CACNB2: variants seen among roughly 807,000 people sequenced by gnomAD.
CACNB2 encodes the protein calcium voltage-gated channel auxiliary subunit beta 2.
In CACNB2, 42 loss-of-function variants were observed where a neutral mutation model predicts 73.3. The observed-to-expected ratio is 0.57, with a 90% CI of 0.45 to 0.74. The LOEUF (loss-of-function observed/expected upper bound fraction) is 0.74, where lower values mean the gene tolerates loss of function less well. CACNB2 is among the 30% of genes least tolerant of loss of function. The probability of loss-of-function intolerance (pLI) is 0.00; values close to 1 mark genes in which losing one functional copy is unlikely to be tolerated. For missense variants in CACNB2, 940 were observed against 853.0 expected (o/e 1.10, Z -1.27); for synonymous variants, 348 against 310.3 (o/e 1.12, Z -1.28).
At chr10:18,254,738 C>T (rs1405163651) in intron 2 of CACNB2, among the ~76,000 whole-genome samples, 1 of 152,126 alleles carries the variant, frequency 6.6e-6, no homozygotes, top group Non-Finnish European at 1.5e-5. Flanking sequence ...GTTCAGGACC[C>T]TAAGGAGAGA....
intron 3 of CACNB2, among the ~76,000 whole-genome samples, chr10:18,465,305 G>A (rs1383690478): frequency 2.0e-5 from 3 of 152,164 alleles, no homozygotes; most frequent in African/African-American, 7.2e-5. Flanking sequence ...GTTCCAGCCT[G>A]GGCGACAAAG....
rs1457463158 is a variant in CACNB2, at chr10:18,538,321, A to C, written c.1444A>C (p.Thr482Pro). ...PNPLLSRTLA[T>P]SSLPLSPTLA... Reference sequence around the variant, plus strand: ...CCCTCTCCTTAGCCGTACATTAGCCACTTCAAGTCTGCCTCTTAGCCCCAC... The same window carrying C: ...CCCTCTCCTTAGCCGTACATTAGCCCCTTCAAGTCTGCCTCTTAGCCCCAC... Residue 482 changes from threonine to proline, a missense_variant, in exon 13 of 14, where the codon ACT becomes CCT. Thr to Pro is a conservative substitution (Grantham distance 38). Transcript: ENST00000324631. 7 of 1,613,926 alleles carry C rather than the reference A, an allele frequency of 4.3e-6. No homozygotes were observed. In the African/African-American group the frequency reaches 5.3e-5, roughly 12 times the overall value.
intron 3 of CACNB2, among the ~76,000 whole-genome samples, chr10:18,491,621 G>A (rs1361259868): frequency 6.6e-6 from 1 of 152,044 alleles, no homozygotes; most frequent in African/African-American, 2.4e-5. Context: ...CAGACCAAAA[G>A]TAACTTTTGT....
intron 3 of CACNB2, among the ~76,000 whole-genome samples, chr10:18,496,168 A>C (rs908441647): frequency 3.7e-5 from 5 of 135,936 alleles, no homozygotes; most frequent in Non-Finnish European, 7.6e-5. Flanking sequence ...CCTGGGCATC[A>C]CAGTGAGACT....
At chr10:18,304,270 A>T (rs931167950) in intron 2 of CACNB2, among the ~76,000 whole-genome samples, 3 of 152,166 alleles carry the variant, frequency 2.0e-5, no homozygotes, top group African/African-American at 7.2e-5. Flanking sequence ...CAGTGTTTTC[A>T]TACGTAGAAT....
At chr10:18,171,548 A>AAAAAAAAAAC (rs2033240537) in intron 2 of CACNB2, among the ~76,000 whole-genome samples, 1 of 145,412 alleles carries the variant, frequency 6.9e-6, no homozygotes, top group African/African-American at 2.6e-5. Context: ...AAAAAAAAAA[A>AAAAAAAAAAC]AGGCTATTTG....
intron 2 of CACNB2, among the ~76,000 whole-genome samples, chr10:18,374,250 G>A (rs1472342160): frequency 6.6e-6 from 1 of 152,222 alleles, no homozygotes; most frequent in Non-Finnish European, 1.5e-5. Flanking sequence ...GGAAGGCTTA[G>A]GAGAAAGTCA....
At chr10:18,524,676 T>C (rs1031316042) in intron 9 of CACNB2, among the ~76,000 whole-genome samples, 2 of 127,636 alleles carry the variant, frequency 1.6e-5, no homozygotes, top group African/African-American at 6.0e-5. Context: ...AAAAAAAAAA[T>C]TGAGCAAATA....
intron 2 of CACNB2, among the ~76,000 whole-genome samples, chr10:18,346,444 G>A (rs1380633260): frequency 6.6e-6 from 1 of 151,434 alleles, no homozygotes; most frequent in Non-Finnish European, 1.5e-5. Flanking sequence ...GGCCAGAACT[G>A]GAACTTTCTA....
intron 3 of CACNB2, among the ~76,000 whole-genome samples, chr10:18,426,863 T>A (rs1397456577): frequency 6.6e-6 from 1 of 152,122 alleles, no homozygotes; most frequent in African/African-American, 2.4e-5. Flanking sequence ...TACTTTAGCA[T>A]GTTAAGGAAG....
intron 2 of CACNB2, among the ~76,000 whole-genome samples, chr10:18,353,006 T>A (rs2041772429): frequency 6.6e-6 from 1 of 152,170 alleles, no homozygotes; most frequent in African/African-American, 2.4e-5. Context: ...TGTGATCTGT[T>A]CAGAAAAAGG....
intron 9 of CACNB2, among the ~76,000 whole-genome samples, chr10:18,523,911 CA>C (rs1410284838): frequency 7.9e-4 from 120 of 152,306 alleles, no homozygotes; most frequent in African/African-American, 2.7e-3. Flanking sequence ...TCTAGGTAGT[CA>C]AGAATTCCTT....
chr10:18,533,813 C>T (rs2053297395), intron 10 of CACNB2, among the ~76,000 whole-genome samples: 1 of 152,138 alleles, frequency 6.6e-6, no homozygotes, highest in African/African-American at 2.4e-5. Flanking sequence ...CAGCAGAGAG[C>T]TAAAAATTTC....
chr10:18,530,815 G>A (rs1035543148), intron 10 of CACNB2, among the ~76,000 whole-genome samples: 8 of 152,092 alleles, frequency 5.3e-5, no homozygotes, highest in Middle Eastern at 3.2e-3. Flanking sequence ...CCTCATTTCC[G>A]TAATACAGAT....
chr10:18,315,955 A>G (rs1304570064), intron 2 of CACNB2, among the ~76,000 whole-genome samples: 2 of 152,138 alleles, frequency 1.3e-5, no homozygotes, highest in Admixed American at 1.3e-4. Context: ...TAGCAAAATC[A>G]TTAGGAAGTT....
chr10:18,185,360 C>A (rs1380008801), intron 2 of CACNB2, among the ~76,000 whole-genome samples: 1 of 152,162 alleles, frequency 6.6e-6, no homozygotes, highest in Non-Finnish European at 1.5e-5. Flanking sequence ...AAATTGTATA[C>A]AGAGTATTTC....
intron 2 of CACNB2, among the ~76,000 whole-genome samples, chr10:18,197,804 G>T (rs1239058940): frequency 3.9e-5 from 6 of 151,908 alleles, no homozygotes; most frequent in Admixed American, 3.9e-4. Context: ...GGGGCGTGAG[G>T]CCTCTTATGA....
chr10:18,438,591 C>T (rs2046264794), intron 3 of CACNB2, among the ~76,000 whole-genome samples: 1 of 152,200 alleles, frequency 6.6e-6, no homozygotes, highest in Admixed American at 6.5e-5. Flanking sequence ...GCCAGTTATC[C>T]ATCTGTTCTC....
At chr10:18,158,903 A>G (rs2032250030) in intron 2 of CACNB2, among the ~76,000 whole-genome samples, 1 of 152,164 alleles carries the variant, frequency 6.6e-6, no homozygotes, top group Non-Finnish European at 1.5e-5. Context: ...AAAAATATGT[A>G]CATCTGCAAA....
Sources: allele counts gnomAD v4.1 joint callset (sites outside exome capture counted in the v4.1 genomes callset), GRCh38; gene constraint gnomAD v4.1.1; transcripts MANE v1.5; gene names NCBI Gene and HGNC (gene_info 2026-07-23, HGNC 2026-07-21).